Variants in TENM4 observed in about 807,000 individuals in gnomAD.
TENM4 encodes teneurin-4.
In TENM4, 82 loss-of-function variants were observed where a neutral mutation model predicts 243.3. The ratio of observed to expected loss-of-function variants is 0.34; its 90% CI spans 0.28 to 0.40. TENM4 has a LOEUF of 0.40. Among genes scored for constraint, TENM4 ranks in the 10% least tolerant of loss-of-function variants. The pLI is 1.00. For synonymous variants in TENM4, 1,412 were observed against 1,456.3 expected (o/e 0.97, Z 0.69); for missense variants, 3,138 against 3,673.3 (o/e 0.85, Z 3.77).
Position 79,400,370 on chromosome 11 carries a change from C to G in TENM4, c.-321+40139G>C, listed in dbSNP as rs541499358. 1.4e-3 allele frequency among the ~76,000 whole-genome samples: 216 copies of G among 151,948 alleles called. 1 individual carries two copies. The South Asian group carries it at 0.025, about 18-fold the overall frequency. On this transcript the variant is annotated intron_variant, in intron 1 of 33. Coordinates refer to ENST00000278550, the MANE Select transcript of TENM4 (RefSeq NM_001098816.3). ...AGACCTTCCCAGACAATGCACATACCTGGAACAAATTGCCTACAACTTCAG... is the reference window on the plus strand; with the variant it reads ...AGACCTTCCCAGACAATGCACATACGTGGAACAAATTGCCTACAACTTCAG...
intron 4 of TENM4, among the ~76,000 whole-genome samples, chr11:79,120,865 TG>T (rs1306740457): frequency 6.6e-6 from 1 of 152,202 alleles, no homozygotes; most frequent in African/African-American, 2.4e-5. Context: ...TTATTCTAAC[TG>T]CTTTACTTGT....
chr11:78,879,994 G>A (rs537438093), intron 9 of TENM4, among the ~76,000 whole-genome samples: 2 of 152,284 alleles, frequency 1.3e-5, no homozygotes, highest in East Asian at 1.9e-4. Flanking sequence ...GATGACGATG[G>A]CGGTTTTGTC....
intron 30 of TENM4, among the ~76,000 whole-genome samples, chr11:78,675,937 T>C (rs764674325): frequency 3.9e-5 from 6 of 152,186 alleles, no homozygotes; most frequent in Non-Finnish European, 8.8e-5. Flanking sequence ...GAAATTCAAC[T>C]CAGACCTGTC....
chr11:79,107,919 A>G (rs543050574), intron 4 of TENM4, among the ~76,000 whole-genome samples: 11 of 152,234 alleles, frequency 7.2e-5, no homozygotes, highest in South Asian at 2.1e-4. Context: ...TAGCACTGGG[A>G]TCTGAAGCCA....
chr11:79,135,424 C>G (rs539907115), intron 4 of TENM4, among the ~76,000 whole-genome samples: 1 of 151,996 alleles, frequency 6.6e-6, no homozygotes, highest in Admixed American at 6.6e-5. Flanking sequence ...AGTACAGCCA[C>G]TATGGAAAAC....
chr11:79,152,601 C>G (rs12292631), intron 3 of TENM4, among the ~76,000 whole-genome samples: 32 of 152,190 alleles, frequency 2.1e-4, no homozygotes, highest in African/African-American at 7.7e-4. Context: ...TTTAAAAGCT[C>G]GAATGAACAC....
intron 3 of TENM4, among the ~76,000 whole-genome samples, chr11:79,151,629 A>G (rs1862514217): frequency 6.6e-6 from 1 of 151,940 alleles, no homozygotes; most frequent in African/African-American, 2.4e-5. Context: ...AATTTCCCTT[A>G]CCCAATCCCC....
intron 1 of TENM4, among the ~76,000 whole-genome samples, chr11:79,322,263 C>G (rs1856903497): frequency 6.6e-6 from 1 of 152,166 alleles, no homozygotes. Flanking sequence ...GGAATGGATT[C>G]AGGGCCATGC....
chr11:78,932,967 C>T (rs1384069603), intron 6 of TENM4, among the ~76,000 whole-genome samples: 1 of 152,146 alleles, frequency 6.6e-6, no homozygotes, highest in Non-Finnish European at 1.5e-5. Context: ...GGGACTCTTG[C>T]TTTACAGAAC....
At chr11:79,404,464 G>C (rs1442751488) in intron 1 of TENM4, among the ~76,000 whole-genome samples, 1 of 152,166 alleles carries the variant, frequency 6.6e-6, no homozygotes, top group Admixed American at 6.5e-5. Flanking sequence ...AGGGGAAATG[G>C]GGAGTGACTG....
At chr11:79,238,666 C>A (rs908680438) in intron 2 of TENM4, among the ~76,000 whole-genome samples, 2 of 144,272 alleles carry the variant, frequency 1.4e-5, no homozygotes, top group African/African-American at 2.7e-5. Context: ...AAATCTCTTT[C>A]TCTCTCTCTC....
chr11:78,836,319 C>T (rs1858114143), intron 12 of TENM4, among the ~76,000 whole-genome samples: 2 of 152,134 alleles, frequency 1.3e-5, no homozygotes, highest in Non-Finnish European at 2.9e-5. Context: ...TGTTGCACTC[C>T]AGCCTGGGCA....
At chr11:79,188,203 A>G (rs1355264110) in intron 3 of TENM4, among the ~76,000 whole-genome samples, 3 of 152,342 alleles carry the variant, frequency 2.0e-5, no homozygotes, top group Admixed American at 6.5e-5. Context: ...TAGATAAACT[A>G]TGACTCTCAC....
At chr11:79,409,643 G>A (rs181197675) in intron 1 of TENM4, among the ~76,000 whole-genome samples, 43 of 152,186 alleles carry the variant, frequency 2.8e-4, no homozygotes, top group African/African-American at 1.0e-3. Context: ...GCCTGACCAC[G>A]CACACCAGCT....
At position 79,080,820 on chromosome 11, in the gene TENM4, G is replaced by A. The variant is rs78192572; in HGVS notation, c.-65-10811C>T. ...CCCTTTTCCTAGAAAACCCCTTCAA[G>A]GGTCAGGCCTGAAACCCAGTTTATT... On this transcript the variant is annotated intron_variant, in intron 4 of 33. Coordinates refer to ENST00000278550, the MANE Select transcript of TENM4 (RefSeq NM_001098816.3). Among the ~76,000 whole-genome samples the A allele has an allele frequency of 2.0e-3, 306 of 152,312 alleles. 12 individuals carry two copies. The South Asian group carries it at 0.049, about 25-fold the overall frequency.
intron 3 of TENM4, among the ~76,000 whole-genome samples, chr11:79,164,825 C>A (rs986549358): frequency 5.3e-5 from 8 of 151,742 alleles, no homozygotes; most frequent in Non-Finnish European, 1.2e-4. Flanking sequence ...GTAAGAAGTG[C>A]CTTTCACCTC....
intron 3 of TENM4, among the ~76,000 whole-genome samples, chr11:79,157,452 T>C (rs1344780726): frequency 6.6e-6 from 1 of 152,200 alleles, no homozygotes; most frequent in Non-Finnish European, 1.5e-5. Context: ...ACTCAGCGAA[T>C]GTGTGCCGAG....
intron 1 of TENM4, among the ~76,000 whole-genome samples, chr11:79,316,892 G>T (rs1382288288): frequency 6.6e-6 from 1 of 152,212 alleles, no homozygotes; most frequent in Non-Finnish European, 1.5e-5. Context: ...GCACAAAGAT[G>T]CTTTGTTCGC....
chr11:78,994,493 C>G (rs891051142), intron 6 of TENM4, among the ~76,000 whole-genome samples: 1 of 152,206 alleles, frequency 6.6e-6, no homozygotes, highest in Non-Finnish European at 1.5e-5. Flanking sequence ...TTCCTCTAAG[C>G]TGAAAGCTGG....
Sources: allele counts gnomAD v4.1 joint callset (sites outside exome capture counted in the v4.1 genomes callset), GRCh38; gene constraint gnomAD v4.1.1; transcripts MANE v1.5; gene names NCBI Gene and HGNC (gene_info 2026-07-23, HGNC 2026-07-21).